ADGRL3: variants seen among roughly 807,000 people sequenced by gnomAD.
ADGRL3 encodes the protein calcium-independent alpha-latrotoxin receptor 3.
ADGRL3 carries 62 observed loss-of-function variants against 153.5 expected under a neutral mutation model. That is an observed-to-expected ratio of 0.40 (90% CI 0.33 to 0.50). The LOEUF (loss-of-function observed/expected upper bound fraction) is 0.50. ADGRL3 is among the 20% of genes least tolerant of loss of function. The pLI, the probability that ADGRL3 is intolerant of heterozygous loss-of-function variation, is 0.47. For synonymous variants in ADGRL3, 710 were observed against 672.5 expected, an observed-to-expected ratio of 1.06 and a Z score of -0.86; for missense variants, 1,641 against 1,859.4, an observed-to-expected ratio of 0.88 and a Z score of 2.16.
At chr4:61,347,027 C>A (rs1418036094) in intron 1 of ADGRL3, among the ~76,000 whole-genome samples, 1 of 151,876 alleles carries the variant, frequency 6.6e-6, no homozygotes, top group East Asian at 1.9e-4. Flanking sequence ...TAGCAAATGC[C>A]CTAGTCTGTG....
intron 9 of ADGRL3, among the ~76,000 whole-genome samples, chr4:61,891,943 G>A (rs1393018253): frequency 6.6e-6 from 1 of 152,090 alleles, no homozygotes; most frequent in Admixed American, 6.5e-5. Flanking sequence ...ATTTTATTTG[G>A]AACTTGGAAT....
chr4:61,802,172 CA>C (rs2097505767), intron 8 of ADGRL3, among the ~76,000 whole-genome samples: 1 of 152,022 alleles, frequency 6.6e-6, no homozygotes, highest in Admixed American at 6.6e-5. Flanking sequence ...TTTGAATGGC[CA>C]AAGAAGAGCT....
intron 2 of ADGRL3, among the ~76,000 whole-genome samples, chr4:61,495,108 G>T (rs1439016047): frequency 6.6e-6 from 1 of 151,974 alleles, no homozygotes; most frequent in Non-Finnish European, 1.5e-5. Flanking sequence ...AATGACCATC[G>T]ACAGGAGAAC....
At chr4:61,306,892 T>G (rs1275729593) in intron 1 of ADGRL3, among the ~76,000 whole-genome samples, 1 of 152,174 alleles carries the variant, frequency 6.6e-6, no homozygotes, top group Non-Finnish European at 1.5e-5. Flanking sequence ...AATTGTGTCT[T>G]TACACCAAAT....
intron 2 of ADGRL3, among the ~76,000 whole-genome samples, chr4:61,467,599 T>C (rs934475231): frequency 1.3e-5 from 2 of 151,980 alleles, no homozygotes; most frequent in Admixed American, 1.3e-4. Flanking sequence ...AAAAGCATTC[T>C]CATTTAAAGT....
chr4:62,070,473 T>C lies in ADGRL3; in HGVS notation c.4197T>C (p.Ser1399=). The change falls in exon 27 of 27, where the codon TCT becomes TCC. Residue 1399 remains serine (S), a synonymous_variant. Coordinates refer to ENST00000683033, the MANE Select transcript of ADGRL3 (RefSeq NM_001387552.1). Reference sequence around the variant, plus strand: ...GCCTGGAACTCATTCATGAGGAATCTGATGCTCCTTTGCTGCCCCCAAGAG... The same window carrying C: ...GCCTGGAACTCATTCATGAGGAATCCGATGCTCCTTTGCTGCCCCCAAGAG... ...SLGLELIHEE[S]DAPLLPPRVY... 1.3e-6 allele frequency: 2 copies of C among 1,551,490 alleles called. No individual in the cohort carries two copies. Among genetic ancestry groups the C allele is most frequent in the Non-Finnish European group, 1.7e-6 (2 of 1,146,954 alleles).
intron 4 of ADGRL3, among the ~76,000 whole-genome samples, chr4:61,529,047 G>C (rs1159328526): frequency 5.3e-5 from 8 of 152,234 alleles, no homozygotes; most frequent in African/African-American, 1.4e-4. Flanking sequence ...GACAGATTTA[G>C]AGTCAATGAA....
At chr4:61,397,567 T>G (rs764087646) in intron 2 of ADGRL3, among the ~76,000 whole-genome samples, 1 of 152,038 alleles carries the variant, frequency 6.6e-6, no homozygotes, top group African/African-American at 2.4e-5. Flanking sequence ...CTCTGTTGTT[T>G]ATTTCCTCAC....
At chr4:61,933,089 C>G (rs1409624423) in intron 13 of ADGRL3, among the ~76,000 whole-genome samples, 1 of 151,740 alleles carries the variant, frequency 6.6e-6, no homozygotes, top group Non-Finnish European at 1.5e-5. Context: ...TATTAACTAA[C>G]TATTAAGATT....
chr4:61,923,753 T>C (rs936221447), intron 13 of ADGRL3, among the ~76,000 whole-genome samples: 3 of 152,204 alleles, frequency 2.0e-5, no homozygotes, highest in Non-Finnish European at 4.4e-5. Context: ...TATGTGAACT[T>C]ATAACACTCT....
At chr4:61,329,238 G>A (rs2150932684) in intron 1 of ADGRL3, among the ~76,000 whole-genome samples, 1 of 152,168 alleles carries the variant, frequency 6.6e-6, no homozygotes, top group African/African-American at 2.4e-5. Flanking sequence ...ACTTTATAAA[G>A]TAAAACAAGA....
intron 2 of ADGRL3, among the ~76,000 whole-genome samples, chr4:61,470,256 G>A (rs1579042867): frequency 6.6e-6 from 1 of 151,808 alleles, no homozygotes; most frequent in Non-Finnish European, 1.5e-5. Context: ...CAGAATACTA[G>A]CATCTAGGGA....
At chr4:61,454,286 A>G (rs949092882) in intron 2 of ADGRL3, among the ~76,000 whole-genome samples, 2 of 152,172 alleles carry the variant, frequency 1.3e-5, no homozygotes, top group Non-Finnish European at 2.9e-5. Flanking sequence ...CTACCTGAAA[A>G]AAAAAGATTA....
At position 61,905,716 on chromosome 4, in the gene ADGRL3, A is replaced by G. The variant is rs1264036478; in HGVS notation, c.1888-3844A>G. ...TCGAGACCAGCCTGGCCAAAATGGC[A>G]AAACCTAATCTCTACTGAAAATGCA... On this transcript the variant is annotated intron_variant, in intron 11 of 26. Coordinates refer to ENST00000683033, the MANE Select transcript of ADGRL3 (RefSeq NM_001387552.1). Among the ~76,000 whole-genome samples, 8 of 151,986 alleles carry G rather than the reference A, an allele frequency of 5.3e-5. 1 individual carries two copies. The highest frequency in any genetic ancestry group is 1.2e-4 in the Non-Finnish European group (8 of 67,984).
At position 61,554,014 on chromosome 4, in the gene ADGRL3, A is replaced by G. The variant is rs549536469; in HGVS notation, c.260-33213A>G. 5.3e-5 allele frequency among the ~76,000 whole-genome samples: 8 copies of G among 152,070 alleles called. No homozygotes were observed. In the South Asian group the frequency reaches 1.7e-3, roughly 32 times the overall value. ...CGGAGAACAGAGGAGAAAGCTTTTGAGTGAAATCTGATAAAAGAACAAAAA... is the reference window on the plus strand; with the variant it reads ...CGGAGAACAGAGGAGAAAGCTTTTGGGTGAAATCTGATAAAAGAACAAAAA... On this transcript the variant is annotated intron_variant, in intron 4 of 26. Coordinates refer to ENST00000683033, the MANE Select transcript of ADGRL3 (RefSeq NM_001387552.1).
chr4:61,534,435 C>T (rs1024184927), intron 4 of ADGRL3, among the ~76,000 whole-genome samples: 11 of 151,942 alleles, frequency 7.2e-5, no homozygotes, highest in East Asian at 1.9e-4. Context: ...TTTTTGATTC[C>T]GTATAAATTT....
intron 2 of ADGRL3, among the ~76,000 whole-genome samples, chr4:61,466,902 A>T (rs184321380): frequency 1.5e-3 from 233 of 152,292 alleles, no homozygotes; most frequent in Non-Finnish European, 2.7e-3. Context: ...TGATACCTAA[A>T]TTATAAAACT....
chr4:61,729,307 T>C (rs2096401164), intron 6 of ADGRL3, among the ~76,000 whole-genome samples: 1 of 151,970 alleles, frequency 6.6e-6, no homozygotes, highest in Admixed American at 6.6e-5. Context: ...GAACTTTTGA[T>C]ATATGCCAGT....
intron 1 of ADGRL3, among the ~76,000 whole-genome samples, chr4:61,294,921 A>T (rs1249961245): frequency 6.6e-6 from 1 of 151,674 alleles, no homozygotes; most frequent in East Asian, 1.9e-4. Context: ...ACACACACAC[A>T]CACACACACA....
Sources: allele counts gnomAD v4.1 joint callset (sites outside exome capture counted in the v4.1 genomes callset), GRCh38; gene constraint gnomAD v4.1.1; transcripts MANE v1.5; gene names NCBI Gene and HGNC (gene_info 2026-07-23, HGNC 2026-07-21).